DNAH9: variants seen among roughly 807,000 people sequenced by gnomAD.
DNAH9 encodes DNAH9 variant protein.
Under a neutral mutation model 471.6 loss-of-function variants are expected in DNAH9, and 345 were observed. The ratio of observed to expected loss-of-function variants is 0.73; its 90% CI spans 0.67 to 0.80. DNAH9 has a LOEUF of 0.80. Among genes scored for constraint, DNAH9 ranks in the 30% least tolerant of loss-of-function variants. The pLI is 0.00. For missense variants in DNAH9, 5,407 were observed against 5,609.2 expected (o/e 0.96, Z 1.15); for synonymous variants, 2,093 against 2,123.6 (o/e 0.99, Z 0.40).
chr17:11,878,690 G>A (rs1029181705), intron 53 of DNAH9, among the ~76,000 whole-genome samples: 1 of 152,074 alleles, frequency 6.6e-6, no homozygotes, highest in Non-Finnish European at 1.5e-5. Flanking sequence ...CAGGTAGCTG[G>A]AACTACAGAT....
Position 11,689,983 on chromosome 17 carries a change from G to C in DNAH9, c.4161G>C (p.Arg1387Ser). 6.2e-7 allele frequency: 1 copy of C among 1,614,102 alleles called. No individual in the cohort carries two copies. The highest frequency in any genetic ancestry group is 1.7e-5 in the Admixed American group (1 of 60,016). The change falls in exon 20 of 69, where the codon AGG (arginine) becomes AGC (serine). Residue 1387 changes from arginine (R) to serine (S), a missense_variant. By Grantham distance (110) the Arg-to-Ser change is moderately radical (BLOSUM62 -1). Transcript: ENST00000262442. Reference protein sequence around the residue: ...QNPAIRERHWRQLMQATGVSF... With the variant: ...QNPAIRERHWSQLMQATGVSF... ...CAGCCATCCGGGAGCGGCACTGGAG[G>C]CAGCTGATGCAGGCCACCGGTGTGA...
chr17:11,677,425 C>T (rs1425660295), intron 17 of DNAH9, among the ~76,000 whole-genome samples: 4 of 152,144 alleles, frequency 2.6e-5, no homozygotes, highest in Admixed American at 2.6e-4. Flanking sequence ...ATGTCTTGTA[C>T]TAAAGTATGT....
chr17:11,808,702 A>C (rs1407826713), intron 44 of DNAH9, among the ~76,000 whole-genome samples: 1 of 152,192 alleles, frequency 6.6e-6, no homozygotes, highest in Non-Finnish European at 1.5e-5. Flanking sequence ...TTACACATTT[A>C]CAGAATGAGC....
intron 67 of DNAH9, among the ~76,000 whole-genome samples, chr17:11,958,433 C>T (rs1013877101): frequency 6.6e-6 from 1 of 152,142 alleles, no homozygotes; most frequent in Non-Finnish European, 1.5e-5. Context: ...ATGACATATA[C>T]TAAAATGGTG....
intron 67 of DNAH9, among the ~76,000 whole-genome samples, chr17:11,946,199 C>CAAAAAA (rs34028612): frequency 1.3e-4 from 6 of 47,342 alleles, no homozygotes; most frequent in Middle Eastern, 0.013. Context: ...GAGTCCATCT[C>CAAAAAA]AAAAAAAAAA....
intron 67 of DNAH9, among the ~76,000 whole-genome samples, chr17:11,960,435 TAAAAAAAAAAAA>T (rs3074845): frequency 1.5e-4 from 8 of 54,046 alleles, no homozygotes; most frequent in East Asian, 6.2e-4. Context: ...GACTCTGTCT[TAAAAAAAAAAAA>T]AAAAAAAAAA....
intron 53 of DNAH9, among the ~76,000 whole-genome samples, chr17:11,877,542 T>C (rs1972551669): frequency 6.8e-6 from 1 of 147,556 alleles, no homozygotes; most frequent in African/African-American, 2.5e-5. Context: ...CATCCTCACT[T>C]AGAAACCTAA....
rs190376056 is a variant in DNAH9 at position 11,760,098 on chromosome 17, A to G, written c.6995+2406A>G. On this transcript the variant is annotated intron_variant, in intron 35 of 68. Coordinates refer to ENST00000262442, the MANE Select transcript of DNAH9 (RefSeq NM_001372.4). ...CAGTATCCCAAAGTGCTGAAATTAT[A>G]GGTATAAGCCACTGTGCCCGCCTAC... Among the ~76,000 whole-genome samples, 3 of 152,324 alleles carry G rather than the reference A, an allele frequency of 2.0e-5. No homozygotes were observed. The East Asian group carries it at 5.8e-4, about 29-fold the overall frequency.
intron 34 of DNAH9, among the ~76,000 whole-genome samples, chr17:11,757,247 C>T (rs1967434358): frequency 6.6e-6 from 1 of 152,046 alleles, no homozygotes; most frequent in Non-Finnish European, 1.5e-5. Context: ...ATTGTTGGGC[C>T]GGGCTCTGTG....
chr17:11,837,812 G>C (rs538980167), intron 49 of DNAH9, among the ~76,000 whole-genome samples: 1 of 152,092 alleles, frequency 6.6e-6, no homozygotes, highest in Non-Finnish European at 1.5e-5. Context: ...TCCTTTTGCC[G>C]TTCTACTCCA....
intron 28 of DNAH9, among the ~76,000 whole-genome samples, chr17:11,733,981 C>T (rs149833455): frequency 2.4e-4 from 36 of 152,038 alleles, no homozygotes; most frequent in Non-Finnish European, 4.4e-4. Context: ...ACAGTAAAAC[C>T]ATCTGGCTGA....
Position 11,617,529 on chromosome 17 carries a change from G to A in DNAH9, c.1023G>A (p.Val341=). Reference sequence around the variant, plus strand: ...CCCAGCTGCGGCCCCTGCTCCACGTGGTCTGTCTGATTTGGGCCACATGCA... The same window carrying A: ...CCCAGCTGCGGCCCCTGCTCCACGTAGTCTGTCTGATTTGGGCCACATGCA... ...VKPQLRPLLH[V]VCLIWATCKS... The change falls in exon 5 of 69, where the codon GTG becomes GTA. Residue 341 remains valine (V), a synonymous_variant. Coordinates refer to ENST00000262442, the MANE Select transcript of DNAH9 (RefSeq NM_001372.4). 6.2e-7 allele frequency: 1 copy of A among 1,614,116 alleles called. No homozygotes were observed. The highest frequency in any genetic ancestry group is 8.5e-7 in the Non-Finnish European group (1 of 1,180,006).
In DNAH9 at chr17:11,869,260, G is replaced by A. The variant is rs762971936; in HGVS notation, c.10053+7G>A. ...CTCCCTTGCCAACCGCCTGGTGAGT[G>A]TAAGCCACAGCAGCCCGAGCTGTAA... On this transcript the variant is annotated splice_region_variant and intron_variant, in intron 51 of 68. Coordinates refer to ENST00000262442, the MANE Select transcript of DNAH9 (RefSeq NM_001372.4). The A allele has an allele frequency of 2.5e-6, 4 of 1,612,760 alleles. No individual in the cohort carries two copies. The highest frequency in any genetic ancestry group is 2.2e-5 in the East Asian group (1 of 44,880).
At chr17:11,872,226 ACT>A (rs1972294618) in intron 52 of DNAH9, among the ~76,000 whole-genome samples, 1 of 152,010 alleles carries the variant, frequency 6.6e-6, no homozygotes, top group African/African-American at 2.4e-5. Flanking sequence ...TGTGCCAGTG[ACT>A]CACAGATATC....
chr17:11,613,314 GT>G (rs200434309), intron 4 of DNAH9, among the ~76,000 whole-genome samples: 2 of 152,122 alleles, frequency 1.3e-5, no homozygotes, highest in African/African-American at 4.8e-5. Context: ...CTAGGGGAAA[GT>G]TTTTTAAAAA....
chr17:11,740,121 T>G (rs2075410793), intron 29 of DNAH9, among the ~76,000 whole-genome samples: 1 of 152,202 alleles, frequency 6.6e-6, no homozygotes, highest in East Asian at 1.9e-4. Flanking sequence ...CAACAAGCTG[T>G]CTAAACGGGT....
intron 28 of DNAH9, among the ~76,000 whole-genome samples, chr17:11,735,616 T>C (rs2075334440): frequency 6.6e-6 from 1 of 152,232 alleles, no homozygotes; most frequent in African/African-American, 2.4e-5. Flanking sequence ...TTTGTATTTT[T>C]AGTGGAGACG....
intron 4 of DNAH9, among the ~76,000 whole-genome samples, chr17:11,616,314 T>C (rs1219150666): frequency 6.6e-6 from 1 of 152,188 alleles, no homozygotes; most frequent in Admixed American, 6.5e-5. Flanking sequence ...GCTTCCTAAA[T>C]AGTGTATATT....
intron 44 of DNAH9, among the ~76,000 whole-genome samples, chr17:11,809,879 G>A (rs1218555900): frequency 6.6e-6 from 1 of 152,042 alleles, no homozygotes; most frequent in African/African-American, 2.4e-5. Flanking sequence ...AGATAAATGG[G>A]GGACCACCTT....
Sources: gnomAD v4.1 joint callset for allele counts (sites outside exome capture counted in the v4.1 genomes callset) on GRCh38, gnomAD v4.1.1 for gene constraint, MANE v1.5 for transcripts, NCBI Gene and HGNC (gene_info 2026-07-23, HGNC 2026-07-21) for gene names.